Variants in SLC30A6 observed in about 807,000 individuals in gnomAD.
The protein encoded by SLC30A6 is zinc transporter 6.
A neutral mutation model predicts 63.0 loss-of-function variants in SLC30A6; 55 were observed. The ratio of observed to expected loss-of-function variants is 0.87; its 90% CI spans 0.70 to 1.09. SLC30A6 has a LOEUF of 1.09. SLC30A6 is among the 50% of genes least tolerant of loss of function. The pLI is 0.00. For missense variants in SLC30A6, 587 were observed against 549.2 expected (o/e 1.07, Z -0.69); for synonymous variants, 224 against 186.1 (o/e 1.20, Z -1.66).
chr2:32,189,878 G>T (rs1329067082), intron 5 of SLC30A6, among the ~76,000 whole-genome samples: 3 of 151,888 alleles, frequency 2.0e-5, no homozygotes, highest in Non-Finnish European at 2.9e-5. Context: ...GAAATTACAG[G>T]TGTGGAGCCA....
chr2:32,179,171 C>T lies in SLC30A6; in HGVS notation c.218+3810C>T, dbSNP rs143685454. On this transcript the variant is annotated intron_variant, in intron 4 of 13. Coordinates refer to ENST00000282587, the MANE Select transcript of SLC30A6 (RefSeq NM_017964.5). ...TACCTGTCCTGGCTGGAAACAGGCA[C>T]TTTTATACATTGCTGGTGGGAATAT... Among the ~76,000 whole-genome samples the T allele has an allele frequency of 9.3e-3, 1,409 of 152,274 alleles. 20 individuals carry two copies. Among genetic ancestry groups the T allele is most frequent in the African/African-American group, 0.032 (1,348 of 41,546 alleles).
Position 32,165,881 on chromosome 2 carries a change from G to A in SLC30A6, c.-20G>A. 1.2e-6 allele frequency: 2 copies of A among 1,614,104 alleles called. No homozygotes were observed. The highest frequency in any genetic ancestry group is 1.7e-6 in the Non-Finnish European group (2 of 1,179,962). On this transcript the variant is annotated 5_prime_UTR_variant, in exon 1 of 14. Transcript: ENST00000282587. ...GAGCACCCAGAACGGCTTCCGGCGG[G>A]AGCTGTGCAGCTCCTTATCATGGTG...
chr2:32,194,025 C>G (rs1171936635), intron 8 of SLC30A6, 42 bp downstream of exon 8: 2 of 1,500,302 alleles, frequency 1.3e-6, no homozygotes, highest in Non-Finnish European at 1.8e-6. Context: ...TCCAACTAAT[C>G]TCTCATAAAA....
In SLC30A6 at chr2:32,205,277, T is replaced by C. The variant is rs1035009917; in HGVS notation, c.768+585T>C. On this transcript the variant is annotated intron_variant, in intron 11 of 13. Coordinates refer to ENST00000282587, the MANE Select transcript of SLC30A6 (RefSeq NM_017964.5). Reference sequence around the variant, plus strand: ...CTACTAAAAAAATACAAAAATTAGCTGGGCGTGGTGGCGTGCACCTGTAAT... The same window carrying C: ...CTACTAAAAAAATACAAAAATTAGCCGGGCGTGGTGGCGTGCACCTGTAAT... Among the ~76,000 whole-genome samples, 8 of 152,120 alleles carry C rather than the reference T, an allele frequency of 5.3e-5. 1 individual carries two copies. In the South Asian group the frequency reaches 8.3e-4, roughly 16 times the overall value.
intron 12 of SLC30A6, among the ~76,000 whole-genome samples, chr2:32,208,231 A>G (rs1205529075): frequency 6.6e-6 from 1 of 151,184 alleles, no homozygotes; most frequent in African/African-American, 2.4e-5. Flanking sequence ...CCTGAGTTCA[A>G]GCGATTCTCC....
intron 3 of SLC30A6, 57 bp from the exon 4 acceptor site, chr2:32,175,262 C>T: frequency 2.0e-6 from 3 of 1,532,632 alleles, no homozygotes; most frequent in Middle Eastern, 1.7e-4. Context: ...TGGTAACTTG[C>T]TGTATTTTTT....
intron 13 of SLC30A6, among the ~76,000 whole-genome samples, chr2:32,215,351 C>T (rs1212697635): frequency 2.6e-5 from 4 of 151,630 alleles, no homozygotes; most frequent in Admixed American, 6.6e-5. Context: ...CGCACCACCA[C>T]GCCTGGCTAA....
chr2:32,170,147 A>G (rs543181806), intron 1 of SLC30A6, among the ~76,000 whole-genome samples: 65 of 152,118 alleles, frequency 4.3e-4, no homozygotes, highest in Non-Finnish European at 8.8e-4. Context: ...TTTATGCCCT[A>G]TTAAGAAAGG....
At chr2:32,178,499 C>G (rs1225619639) in intron 4 of SLC30A6, among the ~76,000 whole-genome samples, 1 of 152,136 alleles carries the variant, frequency 6.6e-6, no homozygotes, top group Admixed American at 6.5e-5. Flanking sequence ...TATGACAAAA[C>G]TCCATCTCTA....
intron 5 of SLC30A6, among the ~76,000 whole-genome samples, chr2:32,185,355 C>CAA (rs35740497): frequency 1.8e-5 from 2 of 112,382 alleles, no homozygotes; most frequent in African/African-American, 6.7e-5. Flanking sequence ...GACCCTGTCT[C>CAA]AAAAAAAAAA....
intron 4 of SLC30A6, among the ~76,000 whole-genome samples, chr2:32,177,982 C>T (rs1681930016): frequency 7.0e-6 from 1 of 143,008 alleles, no homozygotes; most frequent in African/African-American, 2.6e-5. Flanking sequence ...GAGTCTCGCT[C>T]TGTCGCCCAG....
intron 13 of SLC30A6, among the ~76,000 whole-genome samples, chr2:32,216,544 A>C (rs894291459): frequency 9.3e-6 from 1 of 107,442 alleles, no homozygotes; most frequent in Admixed American, 9.2e-5. Flanking sequence ...AAAATAAATA[A>C]ATAAATAAAT....
intron 4 of SLC30A6, among the ~76,000 whole-genome samples, chr2:32,176,749 C>T (rs938459333): frequency 2.0e-5 from 3 of 151,438 alleles, no homozygotes; most frequent in Admixed American, 2.0e-4. Flanking sequence ...CATTCATCAC[C>T]ATAATTAACT....
chr2:32,217,364 G>T (rs1194495154), intron 13 of SLC30A6, among the ~76,000 whole-genome samples: 3 of 152,174 alleles, frequency 2.0e-5, no homozygotes, highest in African/African-American at 7.2e-5. Flanking sequence ...CTTTGTCAAA[G>T]ATCAGATGGC....
intron 2 of SLC30A6, among the ~76,000 whole-genome samples, chr2:32,172,224 T>A (rs771387069): frequency 4.6e-5 from 7 of 152,234 alleles, no homozygotes; most frequent in Non-Finnish European, 8.8e-5. Context: ...TGATGACTTT[T>A]AAGTAAAGCC....
rs1036417890 is a variant in SLC30A6, at chr2:32,223,534, A to G, written c.*2821A>G. Reference sequence around the variant, plus strand: ...TAATCAGCTTCAAAACGTTATGGCTAAATCTGTAGAATGTATGCCCAATTG... The same window carrying G: ...TAATCAGCTTCAAAACGTTATGGCTGAATCTGTAGAATGTATGCCCAATTG... On this transcript the variant is annotated 3_prime_UTR_variant, in exon 14 of 14. Coordinates refer to ENST00000282587, the MANE Select transcript of SLC30A6 (RefSeq NM_017964.5). The G allele has an allele frequency of 2.0e-5, 3 of 152,260 alleles. No homozygotes were observed. The highest frequency in any genetic ancestry group is 4.4e-5 in the Non-Finnish European group (3 of 68,046). 9.4% of individuals were successfully genotyped at this position (152,260 alleles called of 1,614,324 possible). A position where few individuals can be genotyped will look rare whatever the true frequency, so the allele number is the denominator to read the frequency against.
Position 32,192,412 on chromosome 2 carries a change from G to C in SLC30A6, c.361G>C (p.Glu121Gln), listed in dbSNP as rs1451224155. ...GTTGGGAGCTCTCTTTATATTAAAA[G>C]AAAGGTACATTTGTATAGGATATTA... ...AQLGALFILK[E>Q]SAERFLEQPE... is the part of the protein sequence containing the mutation. The change falls in exon 6 of 14, where the codon GAA becomes CAA. Residue 121 changes from glutamate to glutamine, a missense_variant. Glu to Gln is a conservative substitution (Grantham distance 29, BLOSUM62 2). Transcript: ENST00000282587. 6.2e-7 allele frequency: 1 copy of C among 1,613,166 alleles called. No homozygotes were observed. Among genetic ancestry groups the C allele is most frequent in the Non-Finnish European group, 8.5e-7 (1 of 1,179,200 alleles).
At chr2:32,201,337 A>G (rs73922707) in intron 10 of SLC30A6, among the ~76,000 whole-genome samples, 2 of 152,190 alleles carry the variant, frequency 1.3e-5, no homozygotes, top group African/African-American at 4.8e-5. Flanking sequence ...TGTTGACTAC[A>G]GTGTTACCAT....
At chr2:32,206,834 G>A in intron 11 of SLC30A6, 52 bp from the exon 12 acceptor site, 2 of 1,466,918 alleles carry the variant, frequency 1.4e-6, no homozygotes, top group Non-Finnish European at 1.9e-6. Flanking sequence ...ACCATTGTTG[G>A]CAAACTTTTT....
Sources: allele counts gnomAD v4.1 joint callset (sites outside exome capture counted in the v4.1 genomes callset), GRCh38; gene constraint gnomAD v4.1.1; transcripts MANE v1.5; gene names NCBI Gene and HGNC (gene_info 2026-07-23, HGNC 2026-07-21).